The following STARD3 variants were observed in gnomAD, a reference collection of about 807,000 sequenced individuals.
STARD3 encodes the protein StAR related lipid transfer domain containing 3.
In STARD3, 39 loss-of-function variants were observed where a neutral mutation model predicts 62.0. That is an observed-to-expected ratio of 0.63 (90% CI 0.49 to 0.82). The LOEUF (loss-of-function observed/expected upper bound fraction) is 0.82. STARD3 is among the 40% of genes least tolerant of loss of function. STARD3 has a pLI of 0.00. For synonymous variants in STARD3, 229 were observed against 242.4 expected, an observed-to-expected ratio of 0.94 and a Z score of 0.51; for missense variants, 543 against 584.5, an observed-to-expected ratio of 0.93 and a Z score of 0.73.
At chr17:39,642,771 G>A (rs2056992606) in intron 1 of STARD3, among the ~76,000 whole-genome samples, 1 of 152,160 alleles carries the variant, frequency 6.6e-6, no homozygotes, top group African/African-American at 2.4e-5. Context: ...TCTCTACAAA[G>A]GGACATTTGC....
chr17:39,648,138 A>G (rs2057043745), intron 1 of STARD3, among the ~76,000 whole-genome samples: 1 of 151,972 alleles, frequency 6.6e-6, no homozygotes. Flanking sequence ...ACAAAAAATT[A>G]GCCAGGCGTG....
chr17:39,638,919 C>A (rs2056959558), intron 1 of STARD3, among the ~76,000 whole-genome samples: 1 of 152,186 alleles, frequency 6.6e-6, no homozygotes, highest in South Asian at 2.1e-4. Flanking sequence ...GCAGGATGAT[C>A]GCTTGAGGCC....
At chr17:39,662,744 C>A in intron 14 of STARD3, 60 bp from the exon 15 acceptor site, 1 of 1,491,276 alleles carries the variant, frequency 6.7e-7, no homozygotes, top group Non-Finnish European at 9.1e-7. Flanking sequence ...GTGCCAGCTG[C>A]AAGGGGAGAC....
intron 14 of STARD3, 24 bp from the exon 15 acceptor site, chr17:39,662,780 T>G: frequency 1.9e-6 from 3 of 1,594,262 alleles, no homozygotes; most frequent in Non-Finnish European, 2.6e-6. Context: ...CCATCAAGTG[T>G]GACTTCTGCC....
At chr17:39,656,574 A>G (rs547992350) in intron 2 of STARD3, among the ~76,000 whole-genome samples, 8 of 152,236 alleles carry the variant, frequency 5.3e-5, no homozygotes, top group Admixed American at 5.2e-4. Flanking sequence ...GTCTGACACC[A>G]CTGCCCACCC....
intron 1 of STARD3, among the ~76,000 whole-genome samples, chr17:39,639,059 T>C (rs534010745): frequency 1.3e-5 from 2 of 152,348 alleles, no homozygotes; most frequent in South Asian, 4.1e-4. Flanking sequence ...CAACGAGATA[T>C]GGTTGTGCCA....
At chr17:39,637,527 G>C (rs1379958139) in intron 1 of STARD3, 1 of 152,296 alleles carries the variant, frequency 6.6e-6, no homozygotes, top group Non-Finnish European at 1.5e-5. Context: ...TGAGGTGTCT[G>C]GGTGTTATGA....
chr17:39,650,469 T>C (rs2057067216), intron 1 of STARD3, among the ~76,000 whole-genome samples: 1 of 151,874 alleles, frequency 6.6e-6, no homozygotes, highest in Non-Finnish European at 1.5e-5. Flanking sequence ...AAACCCAAAA[T>C]GGCAGACATG....
chr17:39,660,926 C>A lies in STARD3; in HGVS notation c.1034+37C>A. The A allele has an allele frequency of 1.2e-6, 2 of 1,609,912 alleles. No homozygotes were observed. Among genetic ancestry groups the A allele is most frequent in the Non-Finnish European group, 1.7e-6 (2 of 1,176,992 alleles). On this transcript the variant is annotated intron_variant, in intron 12 of 14. Transcript: ENST00000336308. The surrounding 1 kb of genome is among the most constrained non-coding windows in gnomAD (Gnocchi z 4.8). Reference sequence around the variant, plus strand: ...CCGGGCCCCCTCCTTTCAGCCAGGTCTTCTGCACTTTGGCCTTGGGTCATT... The same window carrying A: ...CCGGGCCCCCTCCTTTCAGCCAGGTATTCTGCACTTTGGCCTTGGGTCATT...
At chr17:39,637,570 G>C (rs568047538) in intron 1 of STARD3, 1 of 152,338 alleles carries the variant, frequency 6.6e-6, no homozygotes, top group East Asian at 1.9e-4. Flanking sequence ...GTCGGAATCT[G>C]GGGTGAGAGG....
At position 39,653,497 on chromosome 17, in the gene STARD3, GCGCCCTCCC is replaced by G; in HGVS notation, c.-28_-20del. 4 of 1,593,918 alleles carry G rather than the reference GCGCCCTCCC, an allele frequency of 2.5e-6. No homozygotes were observed. Among genetic ancestry groups the G allele is most frequent in the Non-Finnish European group, 3.4e-6 (4 of 1,176,174 alleles). On this transcript the variant is annotated 5_prime_UTR_variant, in exon 2 of 15. Transcript: ENST00000336308. The stretch of plus-strand genomic sequence containing the variant: ...CGCCCCCAGCCCTGCTGCTGAGGCC[GCGCCCTCCC>G]CGCCCTGAGGTGGGGGCCCACCAGG...
At chr17:39,637,868 C>G (rs1347774271) in intron 1 of STARD3, among the ~76,000 whole-genome samples, 1 of 152,176 alleles carries the variant, frequency 6.6e-6, no homozygotes, top group East Asian at 1.9e-4. Context: ...TCGCTCTGTA[C>G]ACTGAATCTC....
At chr17:39,659,305 A>G (rs1004990916) in intron 8 of STARD3, among the ~76,000 whole-genome samples, 156 bp from the exon 9 acceptor site, 1 of 152,208 alleles carries the variant, frequency 6.6e-6, no homozygotes, top group Non-Finnish European at 1.5e-5. Context: ...AGCAGCCACA[A>G]GCCTGCAGGG....
At chr17:39,647,762 AC>A (rs2057040943) in intron 1 of STARD3, among the ~76,000 whole-genome samples, 1 of 152,140 alleles carries the variant, frequency 6.6e-6, no homozygotes, top group Non-Finnish European at 1.5e-5. Flanking sequence ...AGCTGCTTTT[AC>A]CCATAGCAGT....
At chr17:39,639,438 G>A (rs1403093192) in intron 1 of STARD3, among the ~76,000 whole-genome samples, 2 of 152,218 alleles carry the variant, frequency 1.3e-5, no homozygotes, top group African/African-American at 4.8e-5. Context: ...AAGACCAGGG[G>A]CGGCTTCTGA....
chr17:39,658,382 A>C, intron 5 of STARD3, 23 bp from the exon 6 acceptor site: 3 of 1,603,864 alleles, frequency 1.9e-6, no homozygotes, highest in South Asian at 1.1e-5. Flanking sequence ...CCTGCCATGG[A>C]GCTCAGCCCC....
chr17:39,659,386 G>A lies in STARD3; in HGVS notation c.703-75G>A, dbSNP rs967469761. 5 of 1,434,282 alleles carry A rather than the reference G, an allele frequency of 3.5e-6. No individual in the cohort carries two copies. The African/African-American group carries it at 7.0e-5, about 20-fold the overall frequency. 88.8% of individuals were successfully genotyped at this position (1,434,282 alleles called of 1,614,324 possible). The stretch of plus-strand genomic sequence containing the variant: ...CTCTGGGAAGCATGTGGTATGTCTA[G>A]AGAGAGAACAGGCCACGAACATGGT... On this transcript the variant is annotated intron_variant, in intron 8 of 14. Transcript: ENST00000336308.
At chr17:39,645,465 TTTTTGTTTTG>T (rs913038020) in intron 1 of STARD3, among the ~76,000 whole-genome samples, 47 of 152,092 alleles carry the variant, frequency 3.1e-4, no homozygotes, top group Non-Finnish European at 6.0e-4. Flanking sequence ...ACTTGAAAGG[TTTTTGTTTTG>T]TTTTGTTTTT....
Position 39,653,564 on chromosome 17 carries a change from C to T in STARD3, c.33C>T (p.Asp11=). Residue 11 remains aspartate, a synonymous_variant, in exon 2 of 15, where the codon GAC becomes GAT. Transcript: ENST00000336308. MSKLPRELTR[D]LERSLPAVAS... ...AGCTGCCCAGGGAGCTGACCCGAGA[C>T]TTGGAGCGCAGCCTGCCTGCCGTGG... 1.9e-6 allele frequency: 3 copies of T among 1,607,588 alleles called. No individual in the cohort carries two copies. The highest frequency in any genetic ancestry group is 2.5e-6 in the Non-Finnish European group (3 of 1,179,966).
Sources: gnomAD v4.1 joint callset for allele counts (sites outside exome capture counted in the v4.1 genomes callset) on GRCh38, gnomAD v4.1.1 for gene constraint, Gnocchi (gnomAD v3.1) non-coding constraint, MANE v1.5 for transcripts, NCBI Gene and HGNC (gene_info 2026-07-23, HGNC 2026-07-21) for gene names.